KCNMB2: variants seen among roughly 807,000 people sequenced by gnomAD.
The protein encoded by KCNMB2 is calcium-activated potassium channel subunit beta-2.
A neutral mutation model predicts 24.5 loss-of-function variants in KCNMB2; 9 were observed. The observed-to-expected ratio is 0.37, with a 90% CI of 0.22 to 0.64. KCNMB2 has a LOEUF of 0.64. Ranked by LOEUF, KCNMB2 falls within the 30% of genes least tolerant of loss-of-function variation. The probability of loss-of-function intolerance (pLI) is 0.63; values close to 1 mark genes in which losing one functional copy is unlikely to be tolerated. For synonymous variants in KCNMB2, 109 were observed against 104.4 expected, an observed-to-expected ratio of 1.04 and a Z score of -0.27; for missense variants, 226 against 284.3, an observed-to-expected ratio of 0.79 and a Z score of 1.47.
At chr3:178,567,881 T>C (rs1384346062) in intron 1 of KCNMB2, among the ~76,000 whole-genome samples, 1 of 152,154 alleles carries the variant, frequency 6.6e-6, no homozygotes, top group South Asian at 2.1e-4. Flanking sequence ...GATTCTCAGT[T>C]TACTGCTCCC....
intron 1 of KCNMB2, among the ~76,000 whole-genome samples, chr3:178,636,731 A>G (rs1719537416): frequency 6.6e-6 from 1 of 152,110 alleles, no homozygotes; most frequent in Non-Finnish European, 1.5e-5. Flanking sequence ...TCTTCTAAGC[A>G]TTGCTTTTAT....
At chr3:178,741,320 T>G (rs1266915001) in intron 1 of KCNMB2, among the ~76,000 whole-genome samples, 1 of 152,220 alleles carries the variant, frequency 6.6e-6, no homozygotes, top group Non-Finnish European at 1.5e-5. Flanking sequence ...GGAACACCTG[T>G]GAAACACCTA....
intron 1 of KCNMB2, among the ~76,000 whole-genome samples, chr3:178,643,168 CT>C (rs2108550813): frequency 6.6e-6 from 1 of 152,238 alleles, no homozygotes; most frequent in South Asian, 2.1e-4. Flanking sequence ...AGGATTGATT[CT>C]TAGTGATTTT....
At chr3:178,759,483 ATATATCTCCAAGAGGATATATATATATC>A (rs1711604965) in intron 1 of KCNMB2, among the ~76,000 whole-genome samples, 12 of 109,894 alleles carry the variant, frequency 1.1e-4, no homozygotes, top group African/African-American at 2.0e-4. Context: ...ATATATATAT[ATATATCTCCAAGAGGATATATATATATC>A]TCTCCAAGAG....
intron 1 of KCNMB2, among the ~76,000 whole-genome samples, chr3:178,733,542 A>T (rs1021756271): frequency 1.1e-4 from 16 of 152,120 alleles, no homozygotes; most frequent in African/African-American, 3.6e-4. Flanking sequence ...GGGCAATGGC[A>T]CGATCTCGGC....
chr3:178,574,064 T>C (rs570955451), intron 1 of KCNMB2, among the ~76,000 whole-genome samples: 1 of 152,308 alleles, frequency 6.6e-6, no homozygotes, highest in African/African-American at 2.4e-5. Flanking sequence ...TAGATTATTT[T>C]TTCCAAGAAT....
chr3:178,639,887 A>G (rs1270573905), intron 1 of KCNMB2, among the ~76,000 whole-genome samples: 1 of 152,238 alleles, frequency 6.6e-6, no homozygotes, highest in Non-Finnish European at 1.5e-5. Context: ...CTTGCATAAC[A>G]TCCTTCTATT....
chr3:178,810,902 C>CTTTTTT (rs56925343), intron 2 of KCNMB2, among the ~76,000 whole-genome samples: 120 of 107,978 alleles, frequency 1.1e-3, no homozygotes, highest in East Asian at 1.6e-3. Context: ...ACCTGGCTAA[C>CTTTTTT]TTTTTTTTTT....
At chr3:178,666,195 CAAGT>C (rs1300131947) in intron 1 of KCNMB2, among the ~76,000 whole-genome samples, 1 of 151,946 alleles carries the variant, frequency 6.6e-6, no homozygotes, top group African/African-American at 2.4e-5. Context: ...TCACTGAGAA[CAAGT>C]AAGATCAGCA....
intron 1 of KCNMB2, among the ~76,000 whole-genome samples, chr3:178,668,102 T>C (rs1720782037): frequency 6.6e-6 from 1 of 152,178 alleles, no homozygotes; most frequent in African/African-American, 2.4e-5. Context: ...TTCTTTGAAT[T>C]TGCAAGCTCA....
At chr3:178,651,618 T>C (rs199956334) in intron 1 of KCNMB2, among the ~76,000 whole-genome samples, 1 of 151,944 alleles carries the variant, frequency 6.6e-6, no homozygotes, top group South Asian at 2.1e-4. Flanking sequence ...GCCAAGACAA[T>C]CCTAAGCAAA....
chr3:178,843,035 T>C lies in KCNMB2; in HGVS notation c.*98T>C, dbSNP rs777110700. On this transcript the variant is annotated 3_prime_UTR_variant, in exon 5 of 5. Coordinates refer to ENST00000452583, the MANE Select transcript of KCNMB2 (RefSeq NM_181361.3). ...TAAGTTTGTAACGTGCAGTCTGTTA[T>C]GAGTTCCCTAATATATTCTTATATG... 58 of 953,752 alleles carry C rather than the reference T, an allele frequency of 6.1e-5. No individual in the cohort carries two copies. Among genetic ancestry groups the C allele is most frequent in the Non-Finnish European group, 8.5e-5 (54 of 634,488 alleles). The allele number at this position is 953,752 out of a possible 1,614,324, so 59.1% of individuals were successfully genotyped here.
chr3:178,562,204 A>G (rs1716344397), intron 1 of KCNMB2, among the ~76,000 whole-genome samples: 1 of 152,220 alleles, frequency 6.6e-6, no homozygotes, highest in Non-Finnish European at 1.5e-5. Flanking sequence ...GCTCTAACAC[A>G]ATTGATTTTA....
intron 1 of KCNMB2, among the ~76,000 whole-genome samples, chr3:178,598,057 A>C (rs184953056): frequency 2.1e-3 from 304 of 143,382 alleles, no homozygotes; most frequent in South Asian, 4.4e-3. Context: ...CAAAACAAAA[A>C]AAAAAACAAG....
intron 1 of KCNMB2, among the ~76,000 whole-genome samples, chr3:178,644,985 T>C (rs1461334604): frequency 6.6e-6 from 1 of 152,140 alleles, no homozygotes; most frequent in Non-Finnish European, 1.5e-5. Context: ...AGGTACTTGT[T>C]TTTTAAAACG....
chr3:178,794,553 C>A (rs769253929), intron 1 of KCNMB2, among the ~76,000 whole-genome samples: 1 of 152,174 alleles, frequency 6.6e-6, no homozygotes, highest in African/African-American at 2.4e-5. Flanking sequence ...CAGATCCATC[C>A]AAGTCTGGAA....
Position 178,681,582 on chromosome 3 carries a change from GT to G in KCNMB2, c.-67-125758del, listed in dbSNP as rs370245464. ...GGTGGGCAAGATAATGTTATGTCAA[GT>G]TTACAGATAAGAAAACTGAACATTA... On this transcript the variant is annotated intron_variant, in intron 1 of 4. Transcript: ENST00000452583. Among the ~76,000 whole-genome samples the G allele has an allele frequency of 1.7e-3, 252 of 152,290 alleles. 1 individual carries two copies. The highest frequency in any genetic ancestry group is 5.8e-3 in the African/African-American group (241 of 41,576).
In KCNMB2 at chr3:178,747,364, C is replaced by T. The variant is rs1723705590; in HGVS notation, c.-67-59979C>T. On this transcript the variant is annotated intron_variant, in intron 1 of 4. Transcript: ENST00000452583. ...ATTACCTCCCACTGGGTCCCTCCCA[C>T]AACATGTGGGAATTTAAGATGAGAT... Among the ~76,000 whole-genome samples, 4 of 152,202 alleles carry T rather than the reference C, an allele frequency of 2.6e-5. No homozygotes were observed. The South Asian group carries it at 8.3e-4, about 32-fold the overall frequency.
chr3:178,693,192 C>A (rs891182492), intron 1 of KCNMB2, among the ~76,000 whole-genome samples: 2 of 152,212 alleles, frequency 1.3e-5, no homozygotes, highest in African/African-American at 4.8e-5. Context: ...ATGTCATCTG[C>A]AAATTAGGAT....
Sources: gnomAD v4.1 joint callset for allele counts (sites outside exome capture counted in the v4.1 genomes callset) on GRCh38, gnomAD v4.1.1 for gene constraint, MANE v1.5 for transcripts, NCBI Gene and HGNC (gene_info 2026-07-23, HGNC 2026-07-21) for gene names.